THSD4: variants seen among roughly 807,000 people sequenced by gnomAD.
The protein encoded by THSD4 is thrombospondin type 1 domain containing 4, also known as thrombospondin type-1 domain-containing protein 4.
In THSD4, 69 loss-of-function variants were observed where a neutral mutation model predicts 119.0. That is an observed-to-expected ratio of 0.58 (90% CI 0.48 to 0.71). The LOEUF (loss-of-function observed/expected upper bound fraction) is 0.71. THSD4 is among the 30% of genes least tolerant of loss of function. THSD4 has a pLI of 0.00. For synonymous variants in THSD4, 524 were observed against 540.4 expected, an observed-to-expected ratio of 0.97 and a Z score of 0.42; for missense variants, 1,393 against 1,391.1, an observed-to-expected ratio of 1.00 and a Z score of -0.02.
intron 17 of THSD4, among the ~76,000 whole-genome samples, chr15:71,773,259 T>G (rs933156574): frequency 6.7e-6 from 1 of 150,308 alleles, no homozygotes; most frequent in Non-Finnish European, 1.5e-5. Flanking sequence ...CACATAAAGC[T>G]GCCTGTTTGT....
At chr15:71,102,206 C>A (rs965765523) in intron 1 of THSD4, among the ~76,000 whole-genome samples, 2 of 151,918 alleles carry the variant, frequency 1.3e-5, no homozygotes, top group Non-Finnish European at 2.9e-5. Flanking sequence ...GTGTGGATGT[C>A]TTTGATTTTA....
At chr15:71,249,615 CA>C (rs1165322713) in intron 5 of THSD4, among the ~76,000 whole-genome samples, 9 of 151,588 alleles carry the variant, frequency 5.9e-5, no homozygotes, top group African/African-American at 2.2e-4. Context: ...TATATACACA[CA>C]CACACATTTA....
At chr15:71,489,744 G>A (rs1056076853) in intron 7 of THSD4, among the ~76,000 whole-genome samples, 1 of 152,082 alleles carries the variant, frequency 6.6e-6, no homozygotes, top group African/African-American at 2.4e-5. Context: ...TCATTTTTGG[G>A]TTATTTCCAC....
intron 7 of THSD4, among the ~76,000 whole-genome samples, chr15:71,525,876 C>G (rs971667839): frequency 6.6e-6 from 1 of 152,174 alleles, no homozygotes; most frequent in Non-Finnish European, 1.5e-5. Context: ...CCACCTTTCC[C>G]ATTCCCTGTA....
intron 8 of THSD4, among the ~76,000 whole-genome samples, chr15:71,720,022 C>CTTTTTTTTTTTTTTTTTTTTTTTTT (rs750020826): frequency 8.7e-6 from 1 of 114,470 alleles, no homozygotes. Context: ...ATAACATGTG[C>CTTTTTTTTTTTTTTTTTTTTTTTTT]TTTTTTTTTT....
chr15:71,642,064 G>C (rs909297631), intron 7 of THSD4, among the ~76,000 whole-genome samples: 6 of 152,226 alleles, frequency 3.9e-5, no homozygotes, highest in Non-Finnish European at 5.9e-5. Context: ...TACACAGAGA[G>C]AAGAGGATTT....
intron 7 of THSD4, among the ~76,000 whole-genome samples, chr15:71,622,128 C>G (rs951093874): frequency 7.9e-5 from 12 of 152,116 alleles, no homozygotes; most frequent in African/African-American, 2.4e-4. Context: ...TATTTGAAGG[C>G]TGGGTTTGAT....
intron 6 of THSD4, among the ~76,000 whole-genome samples, chr15:71,359,430 A>G (rs992179776): frequency 8.5e-5 from 13 of 152,206 alleles, no homozygotes; most frequent in Admixed American, 2.0e-4. Context: ...TATTCGTACC[A>G]TTTTACAGAT....
At chr15:71,458,667 G>A (rs928050563) in intron 7 of THSD4, among the ~76,000 whole-genome samples, 1 of 152,164 alleles carries the variant, frequency 6.6e-6, no homozygotes, top group Admixed American at 6.5e-5. Context: ...AAGCATAAAT[G>A]TTAACTGATC....
chr15:71,727,286 G>A (rs983318310), intron 8 of THSD4, among the ~76,000 whole-genome samples: 3 of 151,998 alleles, frequency 2.0e-5, no homozygotes, highest in Admixed American at 2.0e-4. Flanking sequence ...AGATGCCCAG[G>A]AACTCAGGAA....
At chr15:71,575,355 C>T (rs950955337) in intron 7 of THSD4, among the ~76,000 whole-genome samples, 1 of 152,198 alleles carries the variant, frequency 6.6e-6, no homozygotes, top group African/African-American at 2.4e-5. Context: ...AAACAGATCT[C>T]ATCTGTACAT....
intron 6 of THSD4, among the ~76,000 whole-genome samples, chr15:71,317,671 T>C (rs2045208101): frequency 6.6e-6 from 1 of 152,128 alleles, no homozygotes; most frequent in Non-Finnish European, 1.5e-5. Context: ...TTTGGGAAGT[T>C]CGTTTTTTCA....
chr15:71,131,254 A>G (rs2040501340), intron 1 of THSD4, among the ~76,000 whole-genome samples: 1 of 152,178 alleles, frequency 6.6e-6, no homozygotes, highest in South Asian at 2.1e-4. Flanking sequence ...GAAAATCACA[A>G]TGGAAATAAT....
chr15:71,594,680 G>A (rs541164549), intron 7 of THSD4, among the ~76,000 whole-genome samples: 9 of 152,292 alleles, frequency 5.9e-5, no homozygotes, highest in Admixed American at 1.3e-4. Context: ...GCTCCAGATC[G>A]CTGGTGCTCA....
intron 8 of THSD4, among the ~76,000 whole-genome samples, chr15:71,663,725 A>G (rs576587552): frequency 6.6e-6 from 1 of 152,240 alleles, no homozygotes; most frequent in African/African-American, 2.4e-5. Context: ...TTCGACGGCT[A>G]TTTTTTACAT....
At chr15:71,727,755 G>A (rs754671561) in intron 8 of THSD4, among the ~76,000 whole-genome samples, 88 of 69,606 alleles carry the variant, frequency 1.3e-3, no homozygotes, top group Non-Finnish European at 1.6e-3. Context: ...GGGCGATGGA[G>A]CAAGACCCTG....
chr15:71,771,000 T>C, intron 16 of THSD4, 64 bp from the exon 17 acceptor site: 4 of 1,563,694 alleles, frequency 2.6e-6, no homozygotes, highest in South Asian at 1.2e-5. Flanking sequence ...GTGTCTTCTT[T>C]CTCCAGTGTG....
At chr15:71,239,669 C>T (rs1431560935) in intron 4 of THSD4, among the ~76,000 whole-genome samples, 2 of 152,168 alleles carry the variant, frequency 1.3e-5, no homozygotes, top group East Asian at 3.8e-4. Flanking sequence ...TCAACAGCTC[C>T]CCTGGGCGCC....
intron 6 of THSD4, among the ~76,000 whole-genome samples, chr15:71,319,051 TGG>T (rs1217101338): frequency 6.6e-6 from 1 of 152,226 alleles, no homozygotes; most frequent in African/African-American, 2.4e-5. Context: ...CCAGATCTCC[TGG>T]AAGTAACAAT....
Sources: gnomAD v4.1 joint callset for allele counts (sites outside exome capture counted in the v4.1 genomes callset) on GRCh38, gnomAD v4.1.1 for gene constraint, MANE v1.5 for transcripts, NCBI Gene and HGNC (gene_info 2026-07-23, HGNC 2026-07-21) for gene names.